Variants in CILP observed in about 807,000 individuals in gnomAD.
CILP encodes the protein cartilage intermediate layer protein 1.
CILP carries 75 observed loss-of-function variants against 82.5 expected under a neutral mutation model. That is an observed-to-expected ratio of 0.91 (90% CI 0.75 to 1.10). CILP has a LOEUF of 1.10. CILP is among the 50% of genes least tolerant of loss of function. CILP has a pLI of 0.00. For synonymous variants in CILP, 530 were observed against 580.3 expected, an observed-to-expected ratio of 0.91 and a Z score of 1.25; for missense variants, 1,479 against 1,530.8, an observed-to-expected ratio of 0.97 and a Z score of 0.56.
At chr15:65,199,801 C>T (rs1274254758) in intron 8 of CILP, among the ~76,000 whole-genome samples, 8 of 152,276 alleles carry the variant, frequency 5.3e-5, no homozygotes, top group South Asian at 2.1e-4. Context: ...CCAGCCTGGG[C>T]GACAGAGCAA....
rs554355799 is a variant in CILP, at chr15:65,197,015, C to T, written c.3271G>A (p.Ala1091Thr). 37 of 1,614,186 alleles carry T rather than the reference C, an allele frequency of 2.3e-5. No homozygotes were observed. Among genetic ancestry groups the T allele is most frequent in the Middle Eastern group, 1.6e-4 (1 of 6,062 alleles). ...GTGCCATCAAAGCACCGGCCGAGCG[C>T]GATCTCCTTGGCCGTGCGAGGGTCC... is the stretch of plus-strand genomic sequence containing the variant. ...DQDPRTAKEI[A>T]LGRCFDGTSD... The change falls in exon 9 of 9, where the codon GCG becomes ACG. Residue 1091 changes from alanine to threonine, a missense_variant. Physicochemically the swap from Ala to Thr is moderately conservative, Grantham distance 58. Transcript: ENST00000261883.
Position 65,199,053 on chromosome 15 carries a change from G to T in CILP, c.1233C>A (p.Ile411=), listed in dbSNP as rs375744065. Residue 411 remains isoleucine, a synonymous_variant, in exon 9 of 9, where the codon ATC becomes ATA. Coordinates refer to ENST00000261883, the MANE Select transcript of CILP (RefSeq NM_003613.4). ...TCTGAAAGCAATCATGGGGCAGCCG[G>T]ATAAGATAGCTCTCAGGAACTGGGT... ...PCNPVPESYL[I]RLPHDCFQNA... 2.4e-5 allele frequency: 38 copies of T among 1,601,146 alleles called. No individual in the cohort carries two copies. In the African/African-American group the frequency reaches 4.8e-4, roughly 20 times the overall value.
Position 65,196,670 on chromosome 15 carries a change from A to G in CILP, c.*61T>C. The G allele has an allele frequency of 3.7e-6, 5 of 1,365,582 alleles. No individual in the cohort carries two copies. In the South Asian group the frequency reaches 7.4e-5, roughly 20 times the overall value. 84.6% of individuals were successfully genotyped at this position (1,365,582 alleles called of 1,614,324 possible). ...AAATTAACCAAGTGACAGTTTGTGC[A>G]TCAGTCTCACAATGGCTGTCACATG... On this transcript the variant is annotated 3_prime_UTR_variant, in exon 9 of 9. Transcript: ENST00000261883.
At position 65,196,831 on chromosome 15, in the gene CILP, G is replaced by C. The variant is rs754533589; in HGVS notation, c.3455C>G (p.Ser1152Trp). ...AAGTVQGRVP[S>W]RRQQRASRGG... ...CCTGCTCGCTCGCTGCTGCCTCCTC[G>C]AGGGCACTCTTCCTTGGACAGTGCC... The change falls in exon 9 of 9, where the codon TCG becomes TGG. Residue 1152 changes from serine (S) to tryptophan (W), a missense_variant. Physicochemically the swap from Ser to Trp is radical, Grantham distance 177 (BLOSUM62 -3). Coordinates refer to ENST00000261883, the MANE Select transcript of CILP (RefSeq NM_003613.4). The C allele has an allele frequency of 2.5e-6, 4 of 1,612,548 alleles. No individual in the cohort carries two copies. Among genetic ancestry groups the C allele is most frequent in the South Asian group, 1.1e-5 (1 of 90,902 alleles).
chr15:65,204,053 A>T (rs1253751607), intron 6 of CILP, among the ~76,000 whole-genome samples: 1 of 152,218 alleles, frequency 6.6e-6, no homozygotes, highest in East Asian at 1.9e-4. Context: ...ATAGGAGCCC[A>T]TTGCAGTTGG....
Position 65,199,107 on chromosome 15 carries a change from G to A in CILP, c.1187-8C>T, listed in dbSNP as rs761344408. On this transcript the variant is annotated splice_polypyrimidine_tract_variant and splice_region_variant and intron_variant, in intron 8 of 8. Transcript: ENST00000261883. ...AAGGAGTCTCATCAGATGCTGTGTA[G>A]GGAAATGGTGTGGAAATTAAGATGT... The A allele has an allele frequency of 2.6e-6, 4 of 1,561,566 alleles. No individual in the cohort carries two copies. Among genetic ancestry groups the A allele is most frequent in the Non-Finnish European group, 2.6e-6 (3 of 1,159,372 alleles).
rs145652225 is a variant in CILP at position 65,197,294 on chromosome 15, G to C, written c.2992C>G (p.Gln998Glu). The change falls in exon 9 of 9, where the codon CAG (glutamine) becomes GAG (glutamate). Residue 998 changes from glutamine to glutamate, a missense_variant. By Grantham distance (29) the Gln-to-Glu change is conservative (BLOSUM62 2). Transcript: ENST00000261883. ...RDVRSTRDRDQPNVSAACLEF... is the reference protein window; with the variant it reads ...RDVRSTRDRDEPNVSAACLEF... ...AGACAGGCAGCTGAGACATTGGGCT[G>C]GTCCCTGTCCCGAGTGCTCCTCACA... 4 of 1,613,938 alleles carry C rather than the reference G, an allele frequency of 2.5e-6. No homozygotes were observed. In the African/African-American group the frequency reaches 5.3e-5, roughly 22 times the overall value.
intron 8 of CILP, among the ~76,000 whole-genome samples, chr15:65,200,895 C>T (rs1355328103): frequency 1.3e-5 from 2 of 152,252 alleles, no homozygotes; most frequent in Non-Finnish European, 2.9e-5. Context: ...AGCTGGAAAG[C>T]TGCTCCCTCA....
intron 4 of CILP, 93 bp downstream of exon 4, chr15:65,206,689 C>A (rs1210315286): frequency 1.4e-6 from 2 of 1,390,208 alleles, no homozygotes; most frequent in African/African-American, 2.9e-5. Context: ...GTGTGTGATG[C>A]TGAGAGTTCT....
rs112848312 is a variant in CILP at position 65,199,687 on chromosome 15, G to A, written c.1187-588C>T. On this transcript the variant is annotated intron_variant, in intron 8 of 8. Transcript: ENST00000261883. ...AAAATACAAAAATCAGCTGGGCATGGTGGCACACGCCTGTAGTCCCAGCTA... is the reference window on the plus strand; with the variant it reads ...AAAATACAAAAATCAGCTGGGCATGATGGCACACGCCTGTAGTCCCAGCTA... Among the ~76,000 whole-genome samples, 765 of 152,272 alleles carry A rather than the reference G, an allele frequency of 5.0e-3. 6 individuals are homozygous for A. Among genetic ancestry groups the A allele is most frequent in the African/African-American group, 0.014 (583 of 41,544 alleles).
intron 1 of CILP, among the ~76,000 whole-genome samples, chr15:65,211,080 A>G (rs2088581551): frequency 6.6e-6 from 1 of 152,230 alleles, no homozygotes; most frequent in African/African-American, 2.4e-5. Context: ...TCCTCAGCAT[A>G]TGCCCTGATG....
At chr15:65,204,214 T>C (rs2088491168) in intron 6 of CILP, 54 bp downstream of exon 6, 1 of 1,531,112 alleles carries the variant, frequency 6.5e-7, no homozygotes, top group East Asian at 2.2e-5. Context: ...CTATAATCCC[T>C]TTATTTAAAA....
chr15:65,198,731 T>C lies in CILP; in HGVS notation c.1555A>G (p.Met519Val). The change falls in exon 9 of 9, where the codon ATG becomes GTG. Residue 519 changes from methionine (M) to valine (V), a missense_variant. Transcript: ENST00000261883. ...GTGAAAGTGCCCTTGTAGCCAGTCATGCTTACACGGCTGTTCCCCATGTAC... is the reference window on the plus strand; with the variant it reads ...GTGAAAGTGCCCTTGTAGCCAGTCACGCTTACACGGCTGTTCCCCATGTAC... ...HVYMGNSRVS[M>V]TGYKGTFTLH... The C allele has an allele frequency of 3.1e-6, 5 of 1,614,202 alleles. No homozygotes were observed. The highest frequency in any genetic ancestry group is 4.2e-6 in the Non-Finnish European group (5 of 1,180,038).
rs779039800 is a variant in CILP at position 65,198,183 on chromosome 15, G to C, written c.2103C>G (p.Leu701=). 6.2e-7 allele frequency: 1 copy of C among 1,614,102 alleles called. No individual in the cohort carries two copies. Among genetic ancestry groups the C allele is most frequent in the Non-Finnish European group, 8.5e-7 (1 of 1,180,048 alleles). The change falls in exon 9 of 9, where the codon CTC becomes CTG. Residue 701 remains leucine (L), a synonymous_variant. Coordinates refer to ENST00000261883, the MANE Select transcript of CILP (RefSeq NM_003613.4). The part of the protein sequence containing the change: ...EHISTVKLWS[L]NPDTGLWEEE... ...CCTCCCACAGCCCTGTGTCTGGATT[G>C]AGTGACCAGAGTTTCACTGTGGATA...
In CILP at chr15:65,206,800, G is replaced by A. The variant is rs142891097; in HGVS notation, c.406C>T (p.Arg136Cys). ...PGQNCSNYTV[R>C]FLCPPGSLRR... ...GGCTTACCTGGTGGGCAGAGGAAGC[G>A]TACGGTGTAATTAGAGCAGTTCTGG... The change falls in exon 4 of 9, where the codon CGC (arginine) becomes TGC (cysteine). Residue 136 changes from arginine (R) to cysteine (C), a missense_variant. Coordinates refer to ENST00000261883, the MANE Select transcript of CILP (RefSeq NM_003613.4). The A allele has an allele frequency of 3.0e-5, 49 of 1,612,836 alleles. No homozygotes were observed. The highest frequency in any genetic ancestry group is 4.5e-5 in the East Asian group (2 of 44,840).
Position 65,195,238 on chromosome 15 carries a change from A to G in CILP, c.*1493T>C, listed in dbSNP as rs1595954361. 1 of 152,250 alleles carries G rather than the reference A, an allele frequency of 6.6e-6. No homozygotes were observed. The highest frequency in any genetic ancestry group is 1.5e-5 in the Non-Finnish European group (1 of 68,076). 9.4% of individuals were successfully genotyped at this position (152,250 alleles called of 1,614,324 possible). A position where few individuals can be genotyped will look rare whatever the true frequency, so the allele number is the denominator to read the frequency against. ...AATCCAGCCCAGGCCAGAGATGGGT[A>G]AAGGAGCTGCACTAGGCTGGCCAGG... is the stretch of plus-strand genomic sequence containing the variant. On this transcript the variant is annotated 3_prime_UTR_variant, in exon 9 of 9. Transcript: ENST00000261883.
At position 65,209,759 on chromosome 15, in the gene CILP, TC is replaced by T. The variant is rs2088564868; in HGVS notation, c.-5del. 1 of 1,613,776 alleles carries T rather than the reference TC, an allele frequency of 6.2e-7. No homozygotes were observed. The highest frequency in any genetic ancestry group is 8.5e-7 in the Non-Finnish European group (1 of 1,179,896). ...CCCAGGCCTTGGTCCCCACCATCTT[TC>T]CCCCAAGCCCGTGGGAACGTGGCAA... On this transcript the variant is annotated 5_prime_UTR_variant, in exon 2 of 9. Coordinates refer to ENST00000261883, the MANE Select transcript of CILP (RefSeq NM_003613.4).
In CILP at chr15:65,198,482, C is replaced by T. The variant is rs2088407547; in HGVS notation, c.1804G>A (p.Glu602Lys). ...CTGTAGAAACTCCTGGATGGAATCTCCAGTTCAGCCATGGGGTCTTCACCA... is the reference window on the plus strand; with the variant it reads ...CTGTAGAAACTCCTGGATGGAATCTTCAGTTCAGCCATGGGGTCTTCACCA... ...VVGEDPMAEL[E>K]IPSRSFYRQN... Residue 602 changes from glutamate to lysine, a missense_variant, in exon 9 of 9, where the codon GAG becomes AAG. By Grantham distance (56) the Glu-to-Lys change is moderately conservative. Transcript: ENST00000261883. 1 of 1,614,242 alleles carries T rather than the reference C, an allele frequency of 6.2e-7. No homozygotes were observed. Among genetic ancestry groups the T allele is most frequent in the Non-Finnish European group, 8.5e-7 (1 of 1,180,056 alleles).
Position 65,206,818 on chromosome 15 carries a change from A to G in CILP, c.388T>C (p.Cys130Arg), listed in dbSNP as rs1381668104. ...AGGAAGCGTACGGTGTAATTAGAGC[A>G]GTTCTGGCCAGGCCGCTGCTCCCTG... ...LNREQRPGQN[C>R]SNYTVRFLCP... The change falls in exon 4 of 9, where the codon TGC becomes CGC. Residue 130 changes from cysteine (C) to arginine (R), a missense_variant. Transcript: ENST00000261883. 6.2e-7 allele frequency: 1 copy of G among 1,613,808 alleles called. No individual in the cohort carries two copies. The highest frequency in any genetic ancestry group is 8.5e-7 in the Non-Finnish European group (1 of 1,179,948).
Sources: gnomAD v4.1 joint callset for allele counts (sites outside exome capture counted in the v4.1 genomes callset) on GRCh38, gnomAD v4.1.1 for gene constraint, MANE v1.5 for transcripts, NCBI Gene and HGNC (gene_info 2026-07-23, HGNC 2026-07-21) for gene names.